PCDH15: variants seen among roughly 807,000 people sequenced by gnomAD.
PCDH15 encodes protocadherin related 15, also known as protocadherin-15.
PCDH15 carries 129 observed loss-of-function variants against 178.5 expected under a neutral mutation model. That is an observed-to-expected ratio of 0.72 (90% confidence interval 0.63 to 0.84). The LOEUF (loss-of-function observed/expected upper bound fraction) is 0.84, where lower values mean the gene tolerates loss of function less well. Ranked by LOEUF, PCDH15 falls within the 40% of genes least tolerant of loss-of-function variation. The probability of loss-of-function intolerance (pLI) is 0.00; values close to 1 mark genes in which losing one functional copy is unlikely to be tolerated. For missense variants in PCDH15, 2,230 were observed against 2,099.9 expected (o/e 1.06, Z -1.21); for synonymous variants, 800 against 732.0 (o/e 1.09, Z -1.50).
chr10:55,484,747 T>C (rs1589071273), intron 2 of PCDH15, among the ~76,000 whole-genome samples: 1 of 151,750 alleles, frequency 6.6e-6, no homozygotes, highest in Admixed American at 6.6e-5. Context: ...TACAGCCAAC[T>C]GATTTTTGCC....
chr10:55,076,534 C>A (rs1168856179), intron 2 of PCDH15, among the ~76,000 whole-genome samples: 1 of 151,634 alleles, frequency 6.6e-6, no homozygotes, highest in Admixed American at 6.6e-5. Context: ...TCACTGCGAC[C>A]TCTGCCTTCA....
intron 2 of PCDH15, among the ~76,000 whole-genome samples, chr10:55,025,045 T>G (rs1029761388): frequency 2.0e-5 from 3 of 152,166 alleles, no homozygotes; most frequent in Admixed American, 6.5e-5. Context: ...ATCTAAATCC[T>G]TTAGGAGGCA....
At chr10:55,087,615 G>A (rs755019099) in intron 2 of PCDH15, among the ~76,000 whole-genome samples, 2 of 152,118 alleles carry the variant, frequency 1.3e-5, no homozygotes, top group African/African-American at 4.8e-5. Context: ...GCATAGCTAA[G>A]ACCAGAGAAC....
intron 2 of PCDH15, among the ~76,000 whole-genome samples, chr10:55,389,581 A>G (rs1299995900): frequency 6.6e-6 from 1 of 152,180 alleles, no homozygotes; most frequent in African/African-American, 2.4e-5. Context: ...ATATTCATAT[A>G]TCTCATATTA....
chr10:55,227,539 A>C (rs1841086675), intron 1 of PCDH15, among the ~76,000 whole-genome samples: 1 of 148,896 alleles, frequency 6.7e-6, no homozygotes, highest in Non-Finnish European at 1.5e-5. Context: ...AGAAGGATGC[A>C]AGGTGCCAGG....
intron 3 of PCDH15, among the ~76,000 whole-genome samples, chr10:54,397,470 A>G (rs946899863): frequency 6.6e-6 from 1 of 151,992 alleles, no homozygotes; most frequent in Admixed American, 6.6e-5. Flanking sequence ...ATTTCTATCC[A>G]CTATTGCAAT....
At chr10:53,808,654 A>G in intron 37 of PCDH15, 6 of 1,593,332 alleles carry the variant, frequency 3.8e-6, no homozygotes, top group Non-Finnish European at 5.1e-6. Context: ...ACACGAGAGC[A>G]CTCATCACAG....
intron 2 of PCDH15, among the ~76,000 whole-genome samples, chr10:55,165,084 T>C (rs1205549005): frequency 6.6e-6 from 1 of 152,066 alleles, no homozygotes; most frequent in Non-Finnish European, 1.5e-5. Context: ...TATTTGAATG[T>C]CCTGAAAGAA....
intron 10 of PCDH15, among the ~76,000 whole-genome samples, chr10:54,213,634 A>T (rs1290812036): frequency 6.6e-6 from 1 of 152,190 alleles, no homozygotes; most frequent in Non-Finnish European, 1.5e-5. Flanking sequence ...TCCTTTTAGT[A>T]GAAAAATAAT....
chr10:55,012,667 ACTTTT>A (rs1176209996), intron 2 of PCDH15, among the ~76,000 whole-genome samples: 3 of 152,110 alleles, frequency 2.0e-5, no homozygotes, highest in Non-Finnish European at 2.9e-5. Flanking sequence ...TCTCTGAAAC[ACTTTT>A]CTTTGCTTCC....
intron 14 of PCDH15, among the ~76,000 whole-genome samples, chr10:54,144,042 G>T (rs1253922536): frequency 6.6e-6 from 1 of 151,134 alleles, no homozygotes; most frequent in African/African-American, 2.4e-5. Context: ...AGCTTCTTTT[G>T]CAAGTAGATT....
At chr10:54,519,656 C>A (rs553469040) in intron 3 of PCDH15, among the ~76,000 whole-genome samples, 3 of 152,196 alleles carry the variant, frequency 2.0e-5, no homozygotes, top group Non-Finnish European at 4.4e-5. Flanking sequence ...TTTATAGATT[C>A]AATGCCATCC....
At chr10:55,255,775 C>A (rs2132229039) in intron 1 of PCDH15, among the ~76,000 whole-genome samples, 1 of 152,286 alleles carries the variant, frequency 6.6e-6, no homozygotes, top group African/African-American at 2.4e-5. Context: ...CTGTTCATAT[C>A]CTTCACCCAC....
At chr10:54,976,800 C>A (rs1839083489) in intron 2 of PCDH15, among the ~76,000 whole-genome samples, 1 of 152,098 alleles carries the variant, frequency 6.6e-6, no homozygotes, top group Admixed American at 6.6e-5. Flanking sequence ...ATTAATCTTA[C>A]AGAGGTGGTT....
chr10:54,938,905 G>A (rs1023309489), intron 2 of PCDH15, among the ~76,000 whole-genome samples: 1 of 152,142 alleles, frequency 6.6e-6, no homozygotes, highest in African/African-American at 2.4e-5. Flanking sequence ...ATAAGCAAAG[G>A]ATTGTGGCTA....
intron 29 of PCDH15, 127 bp downstream of exon 29, chr10:53,840,193 G>A (rs893240604): frequency 8.5e-7 from 1 of 1,170,960 alleles, no homozygotes; most frequent in South Asian, 1.3e-5. Context: ...CAGGTTCTTT[G>A]CTTACACTTC....
At chr10:53,947,042 C>T (rs1024063217) in intron 23 of PCDH15, among the ~76,000 whole-genome samples, 2 of 152,104 alleles carry the variant, frequency 1.3e-5, no homozygotes, top group Non-Finnish European at 2.9e-5. Context: ...TCTCAAAGTG[C>T]AGGATTACAG....
At chr10:54,239,432 T>TATATATAGAGAGAGAGAGAGAGAGAGAG (rs1554853331) in intron 8 of PCDH15, among the ~76,000 whole-genome samples, 23 of 150,634 alleles carry the variant, frequency 1.5e-4, no homozygotes, top group African/African-American at 4.9e-4. Context: ...TATATATATA[T>TATATATAGAGAGAGAGAGAGAGAGAGAG]AGAGTAAGAA....
chr10:54,782,340 C>G (rs1162369232), intron 1 of PCDH15, among the ~76,000 whole-genome samples: 1 of 152,026 alleles, frequency 6.6e-6, no homozygotes, highest in Non-Finnish European at 1.5e-5. Flanking sequence ...GCCTCAGTTT[C>G]TATATCTTTA....
Sources: allele counts gnomAD v4.1 joint callset (sites outside exome capture counted in the v4.1 genomes callset), GRCh38; gene constraint gnomAD v4.1.1; transcripts MANE v1.5; gene names NCBI Gene and HGNC (gene_info 2026-07-23, HGNC 2026-07-21).